PDS5A: variants seen among roughly 807,000 people sequenced by gnomAD.
The protein encoded by PDS5A is sister chromatid cohesion protein PDS5 homolog A.
Under a neutral mutation model 167.1 loss-of-function variants are expected in PDS5A, and 42 were observed. The observed-to-expected ratio is 0.25, with a 90% CI of 0.20 to 0.33. The LOEUF is 0.33. Among genes scored for constraint, PDS5A ranks in the 10% least tolerant of loss-of-function variants. The pLI is 1.00. For missense variants in PDS5A, 1,033 were observed against 1,605.9 expected (o/e 0.64, Z 6.10); for synonymous variants, 553 against 554.6 (o/e 1.00, Z 0.04).
At chr4:39,929,519 C>CTCTA (rs1346928018) in intron 2 of PDS5A, among the ~76,000 whole-genome samples, 1,909 of 79,338 alleles carry the variant, frequency 0.024, 56 homozygotes, top group Middle Eastern at 0.05. Context: ...ACTTAATAAA[C>CTCTA]TATATATATA....
intron 11 of PDS5A, among the ~76,000 whole-genome samples, chr4:39,905,356 G>A (rs1463972889): frequency 1.3e-5 from 2 of 151,844 alleles, no homozygotes; most frequent in Non-Finnish European, 2.9e-5. Context: ...TCAGGAGTTC[G>A]AGACCAGCCT....
chr4:39,842,489 C>T (rs1411891447), intron 30 of PDS5A, among the ~76,000 whole-genome samples: 1 of 152,058 alleles, frequency 6.6e-6, no homozygotes, highest in Admixed American at 6.6e-5. Context: ...ATTTGAGGCC[C>T]CACTATTCTT....
chr4:39,939,636 A>C (rs1367592599), intron 2 of PDS5A, among the ~76,000 whole-genome samples: 1 of 152,100 alleles, frequency 6.6e-6, no homozygotes, highest in Non-Finnish European at 1.5e-5. Flanking sequence ...TCTACTAAAA[A>C]TACAACAATT....
intron 2 of PDS5A, among the ~76,000 whole-genome samples, chr4:39,948,788 A>C (rs539568953): frequency 6.7e-6 from 1 of 149,654 alleles, no homozygotes; most frequent in Admixed American, 6.6e-5. Context: ...CCATGCCCGG[A>C]TAATTTTTCT....
intron 2 of PDS5A, among the ~76,000 whole-genome samples, chr4:39,929,604 G>GGT (rs1193945013): frequency 1.4e-4 from 14 of 102,266 alleles, no homozygotes; most frequent in African/African-American, 6.6e-4. Flanking sequence ...ATCCTATTGG[G>GGT]GCGTGTGTGT....
At chr4:39,947,375 G>A (rs778649858) in intron 2 of PDS5A, among the ~76,000 whole-genome samples, 15 of 151,874 alleles carry the variant, frequency 9.9e-5, no homozygotes, top group African/African-American at 3.4e-4. Flanking sequence ...AACTTGAACC[G>A]GGAGGCGGAG....
At chr4:39,857,008 A>G (rs1174294696) in intron 26 of PDS5A, among the ~76,000 whole-genome samples, 2 of 152,112 alleles carry the variant, frequency 1.3e-5, no homozygotes, top group African/African-American at 4.8e-5. Context: ...CTACTATTCA[A>G]ACTAGGTTGT....
At chr4:39,888,547 T>G (rs1324480451) in intron 17 of PDS5A, among the ~76,000 whole-genome samples, 1 of 151,938 alleles carries the variant, frequency 6.6e-6, no homozygotes, top group Admixed American at 6.6e-5. Context: ...TGAACCTAAG[T>G]GCACATCAAC....
intron 8 of PDS5A, 62 bp downstream of exon 8, chr4:39,916,986 C>T: frequency 9.9e-7 from 1 of 1,007,620 alleles, no homozygotes; most frequent in Non-Finnish European, 1.4e-6. Flanking sequence ...GTCAATTTTA[C>T]ATTGTGCCTG....
At chr4:39,962,316 A>G (rs1729559933) in intron 2 of PDS5A, among the ~76,000 whole-genome samples, 1 of 151,852 alleles carries the variant, frequency 6.6e-6, no homozygotes, top group African/African-American at 2.4e-5. Context: ...TTGGCCTCCC[A>G]AAGTGCTGGG....
Position 39,824,266 on chromosome 4 carries a change from A to C in PDS5A, c.*1219T>G, listed in dbSNP as rs1715081970. 6.6e-6 allele frequency: 1 copy of C among 152,234 alleles called. No homozygotes were observed. Among genetic ancestry groups the C allele is most frequent in the Non-Finnish European group, 1.5e-5 (1 of 68,038 alleles). The allele number at this position is 152,234 out of a possible 1,614,324, so 9.4% of individuals were successfully genotyped here. A position where few individuals can be genotyped will look rare whatever the true frequency, so the allele number is the denominator to read the frequency against. ...CATGTTATGACTTTAGCTCTTTAACATGAAAAAATTCACAAGAAAGCATAT... is the reference window on the plus strand; with the variant it reads ...CATGTTATGACTTTAGCTCTTTAACCTGAAAAAATTCACAAGAAAGCATAT... On this transcript the variant is annotated 3_prime_UTR_variant, in exon 33 of 33. Coordinates refer to ENST00000303538, the MANE Select transcript of PDS5A (RefSeq NM_001100399.2).
At chr4:39,850,670 T>C (rs1408477959) in intron 26 of PDS5A, among the ~76,000 whole-genome samples, 1 of 152,228 alleles carries the variant, frequency 6.6e-6, no homozygotes, top group Non-Finnish European at 1.5e-5. Context: ...CTGATGTGTG[T>C]GGTACCCAGC....
At chr4:39,914,269 C>A (rs968641402) in intron 8 of PDS5A, among the ~76,000 whole-genome samples, 1 of 148,458 alleles carries the variant, frequency 6.7e-6, no homozygotes, top group African/African-American at 2.5e-5. Context: ...TCAAGAGATT[C>A]TCCTGCCTCA....
chr4:39,960,784 G>A (rs1171144733), intron 2 of PDS5A, among the ~76,000 whole-genome samples: 3 of 151,842 alleles, frequency 2.0e-5, no homozygotes, highest in Non-Finnish European at 4.4e-5. Context: ...CCACCTCCCG[G>A]GTTCAAGCTA....
chr4:39,835,077 T>A (rs1716269442), intron 32 of PDS5A, among the ~76,000 whole-genome samples: 1 of 152,198 alleles, frequency 6.6e-6, no homozygotes, highest in Admixed American at 6.5e-5. Flanking sequence ...TAGCTGAGAT[T>A]ACAGGGGTGC....
At chr4:39,870,057 T>C (rs903348302) in intron 21 of PDS5A, among the ~76,000 whole-genome samples, 1 of 151,902 alleles carries the variant, frequency 6.6e-6, no homozygotes. Flanking sequence ...TGCAGTGAGC[T>C]GACATTGCGC....
chr4:39,892,728 A>G (rs945951634), intron 16 of PDS5A, among the ~76,000 whole-genome samples: 3 of 152,242 alleles, frequency 2.0e-5, no homozygotes, highest in African/African-American at 7.2e-5. Context: ...ACTTCTGAAG[A>G]TATAATGCAT....
chr4:39,972,906 TG>T (rs898945370), intron 2 of PDS5A, among the ~76,000 whole-genome samples: 5 of 144,398 alleles, frequency 3.5e-5, no homozygotes, highest in South Asian at 4.5e-4. Flanking sequence ...TTATTTTTTG[TG>T]GGGTTTTTTT....
chr4:39,946,460 C>T (rs1369586320), intron 2 of PDS5A, among the ~76,000 whole-genome samples: 5 of 151,908 alleles, frequency 3.3e-5, no homozygotes, highest in Admixed American at 6.6e-5. Flanking sequence ...AATATTACCA[C>T]CCAGAAGAAC....
Sources: gnomAD v4.1 joint callset for allele counts (sites outside exome capture counted in the v4.1 genomes callset) on GRCh38, gnomAD v4.1.1 for gene constraint, MANE v1.5 for transcripts, NCBI Gene and HGNC (gene_info 2026-07-23, HGNC 2026-07-21) for gene names.